KCNMB4: variants seen among roughly 807,000 people sequenced by gnomAD.
KCNMB4 encodes the protein calcium-activated potassium channel subunit beta-4.
Under a neutral mutation model 20.7 loss-of-function variants are expected in KCNMB4, and 3 were observed. The ratio of observed to expected loss-of-function variants is 0.14; its 90% CI spans 0.07 to 0.37. The LOEUF is 0.37. Ranked by LOEUF, KCNMB4 falls within the 10% of genes least tolerant of loss-of-function variation. The pLI is 1.00. For missense variants in KCNMB4, 168 were observed against 265.9 expected, an observed-to-expected ratio of 0.63 and a Z score of 2.56; for synonymous variants, 110 against 113.4, an observed-to-expected ratio of 0.97 and a Z score of 0.19.
chr12:70,394,196 CA>C (rs1868329206), intron 1 of KCNMB4, among the ~76,000 whole-genome samples: 1 of 152,116 alleles, frequency 6.6e-6, no homozygotes, highest in Non-Finnish European at 1.5e-5. Context: ...CATAAATTAT[CA>C]ATTCTAAAAA....
Position 70,430,757 on chromosome 12 carries a change from C to T in KCNMB4, c.*104C>T, listed in dbSNP as rs901662558. On this transcript the variant is annotated 3_prime_UTR_variant, in exon 3 of 3. Transcript: ENST00000258111. ...CTGGCGCAGGAGATGGACAGGGCCACGACAGGGCTCTGAGAGGCTCATCCC... is the reference window on the plus strand; with the variant it reads ...CTGGCGCAGGAGATGGACAGGGCCATGACAGGGCTCTGAGAGGCTCATCCC... The T allele has an allele frequency of 1.3e-5, 15 of 1,139,620 alleles. No homozygotes were observed. Among genetic ancestry groups the T allele is most frequent in the Middle Eastern group, 2.9e-4 (1 of 3,410 alleles). The allele number at this position is 1,139,620 out of a possible 1,614,324, so 70.6% of individuals were successfully genotyped here.
intron 2 of KCNMB4, chr12:70,422,650 C>CGTTGATTT: frequency 8.0e-7 from 1 of 1,245,434 alleles, no homozygotes; most frequent in Non-Finnish European, 1.0e-6. Flanking sequence ...AAAATTCATT[C>CGTTGATTT]GTTGATTTGC....
intron 2 of KCNMB4, among the ~76,000 whole-genome samples, chr12:70,410,743 A>C (rs1868749520): frequency 6.6e-6 from 1 of 152,188 alleles, no homozygotes; most frequent in African/African-American, 2.4e-5. Flanking sequence ...TACTGATTGG[A>C]GGCTGAGGTG....
chr12:70,429,677 A>G (rs887600529), intron 2 of KCNMB4, among the ~76,000 whole-genome samples: 12 of 151,938 alleles, frequency 7.9e-5, no homozygotes, highest in Admixed American at 2.0e-4. Flanking sequence ...AAAAAAAAAA[A>G]AAAAAAAGAA....
chr12:70,407,529 T>G (rs182804544), intron 2 of KCNMB4, among the ~76,000 whole-genome samples: 46 of 136,680 alleles, frequency 3.4e-4, no homozygotes, highest in African/African-American at 1.3e-3. Flanking sequence ...GTGCAGTGGC[T>G]TGATCTCTGC....
chr12:70,433,123 A>G lies in KCNMB4; in HGVS notation c.*2470A>G, dbSNP rs1869412308. Reference sequence around the variant, plus strand: ...CAATTAAATTTGAAGCACCTTATTTATACTTGTTAAAGGTAAAACCCAAAA... The same window carrying G: ...CAATTAAATTTGAAGCACCTTATTTGTACTTGTTAAAGGTAAAACCCAAAA... On this transcript the variant is annotated 3_prime_UTR_variant, in exon 3 of 3. Coordinates refer to ENST00000258111, the MANE Select transcript of KCNMB4 (RefSeq NM_014505.6). 1 of 152,142 alleles carries G rather than the reference A, an allele frequency of 6.6e-6. No homozygotes were observed. Among genetic ancestry groups the G allele is most frequent in the South Asian group, 2.1e-4 (1 of 4,826 alleles). 9.4% of individuals were successfully genotyped at this position (152,142 alleles called of 1,614,324 possible).
At chr12:70,393,014 TCTC>T (rs1177333235) in intron 1 of KCNMB4, among the ~76,000 whole-genome samples, 4 of 151,954 alleles carry the variant, frequency 2.6e-5, no homozygotes, top group African/African-American at 9.7e-5. Flanking sequence ...GTATTGGCCA[TCTC>T]CTCAGGATTT....
At chr12:70,430,343 A>G (rs1180092841) in intron 2 of KCNMB4, 142 bp from the exon 3 acceptor site, 2 of 842,576 alleles carry the variant, frequency 2.4e-6, no homozygotes, top group African/African-American at 3.5e-5. Context: ...TTGAAGCACA[A>G]AAATACAGTG....
rs186659164 is a variant in KCNMB4 at position 70,425,877 on chromosome 12, G to T, written c.465-4608G>T. The stretch of plus-strand genomic sequence containing the variant: ...TTTTTAGCTGGGCGCAGTGGCTCAC[G>T]CCCATAATCCCAGTAGTTTGGGGGG... On this transcript the variant is annotated intron_variant, in intron 2 of 2. Transcript: ENST00000258111. 2.8e-3 allele frequency among the ~76,000 whole-genome samples: 433 copies of T among 152,260 alleles called. 2 individuals are homozygous for T. Among genetic ancestry groups the T allele is most frequent in the African/African-American group, 0.01 (420 of 41,544 alleles).
At chr12:70,376,710 T>TA (rs1240118178) in intron 1 of KCNMB4, among the ~76,000 whole-genome samples, 1,765 of 139,838 alleles carry the variant, frequency 0.013, 17 homozygotes, top group African/African-American at 0.034. Flanking sequence ...CTACAAAAAT[T>TA]AAAAAAAAAC....
chr12:70,370,723 A>G (rs1883577918), intron 1 of KCNMB4, among the ~76,000 whole-genome samples: 1 of 151,644 alleles, frequency 6.6e-6, no homozygotes, highest in South Asian at 2.1e-4. Context: ...AATGAAATGA[A>G]CTTGATTCCA....
At chr12:70,421,788 A>G (rs1033073389) in intron 2 of KCNMB4, among the ~76,000 whole-genome samples, 1 of 151,278 alleles carries the variant, frequency 6.6e-6, no homozygotes, top group East Asian at 2.0e-4. Context: ...TCACTATGTT[A>G]GCCAGGATGG....
chr12:70,380,305 T>A (rs1321778902), intron 1 of KCNMB4, among the ~76,000 whole-genome samples: 1 of 152,168 alleles, frequency 6.6e-6, no homozygotes, highest in East Asian at 1.9e-4. Flanking sequence ...ATGGGCATGG[T>A]TTGTGGCATC....
At chr12:70,381,421 T>A (rs989599803) in intron 1 of KCNMB4, among the ~76,000 whole-genome samples, 1 of 152,184 alleles carries the variant, frequency 6.6e-6, no homozygotes, top group Non-Finnish European at 1.5e-5. Flanking sequence ...GCAGAAACTT[T>A]GTACATGACT....
At chr12:70,424,893 C>CAA (rs1869168737) in intron 2 of KCNMB4, among the ~76,000 whole-genome samples, 4 of 152,338 alleles carry the variant, frequency 2.6e-5, no homozygotes, top group Middle Eastern at 3.4e-3. Context: ...GCTCTCTTGG[C>CAA]AAGGTCTTAC....
intron 2 of KCNMB4, among the ~76,000 whole-genome samples, chr12:70,411,569 G>A (rs948610184): frequency 1.3e-5 from 2 of 152,030 alleles, no homozygotes; most frequent in Non-Finnish European, 2.9e-5. Context: ...TCTTCCTGCC[G>A]CCACAGAATA....
intron 2 of KCNMB4, among the ~76,000 whole-genome samples, chr12:70,407,268 G>A (rs1868631044): frequency 6.6e-6 from 1 of 151,928 alleles, no homozygotes; most frequent in Non-Finnish European, 1.5e-5. Context: ...TTGAGCAAGG[G>A]GCCCTCTCCA....
intron 2 of KCNMB4, among the ~76,000 whole-genome samples, chr12:70,425,747 C>T (rs1335490317): frequency 6.6e-6 from 1 of 152,196 alleles, no homozygotes; most frequent in Non-Finnish European, 1.5e-5. Context: ...CACCCTCACC[C>T]AGAAACATAG....
chr12:70,375,232 A>G (rs2136116202), intron 1 of KCNMB4, among the ~76,000 whole-genome samples: 1 of 152,150 alleles, frequency 6.6e-6, no homozygotes, highest in South Asian at 2.1e-4. Context: ...TTTGATTACC[A>G]TATCTGTTCA....
Sources: gnomAD v4.1 joint callset for allele counts (sites outside exome capture counted in the v4.1 genomes callset) on GRCh38, gnomAD v4.1.1 for gene constraint, MANE v1.5 for transcripts, NCBI Gene and HGNC (gene_info 2026-07-23, HGNC 2026-07-21) for gene names.